HERC1: variants seen among roughly 807,000 people sequenced by gnomAD.
HERC1 encodes HECT and RLD domain containing E3 ubiquitin protein ligase family member 1.
HERC1 carries 160 observed loss-of-function variants against 554.3 expected under a neutral mutation model. The observed-to-expected ratio is 0.29, with a 90% CI of 0.25 to 0.33. HERC1 has a LOEUF of 0.33. Ranked by LOEUF, HERC1 falls within the 10% of genes least tolerant of loss-of-function variation. HERC1 has a pLI of 1.00. For missense variants in HERC1, 4,919 were observed against 5,918.5 expected (o/e 0.83, Z 5.54); for synonymous variants, 2,175 against 2,131.7 (o/e 1.02, Z -0.56).
chr15:63,615,337 G>A (rs1015320662), intron 76 of HERC1, among the ~76,000 whole-genome samples: 5 of 152,202 alleles, frequency 3.3e-5, no homozygotes, highest in East Asian at 3.8e-4. Flanking sequence ...CACCAAGTGC[G>A]GTGGCTCACA....
At chr15:63,717,680 G>A (rs1029079015) in intron 21 of HERC1, among the ~76,000 whole-genome samples, 17 of 152,080 alleles carry the variant, frequency 1.1e-4, no homozygotes, top group African/African-American at 3.9e-4. Context: ...AAACCAGCCT[G>A]GTCAACACGG....
chr15:63,720,706 G>A (rs1271631284), intron 19 of HERC1, among the ~76,000 whole-genome samples: 2 of 152,080 alleles, frequency 1.3e-5, no homozygotes, highest in Non-Finnish European at 2.9e-5. Flanking sequence ...AGGCTCTTAG[G>A]AAATCATCCA....
At chr15:63,716,545 T>A (rs899746978) in intron 21 of HERC1, 72 bp from the exon 22 acceptor site, 2 of 1,244,004 alleles carry the variant, frequency 1.6e-6, no homozygotes, top group African/African-American at 1.5e-5. Flanking sequence ...AAAAAACCTT[T>A]AATTTTTTAT....
chr15:63,706,798 C>T lies in HERC1; in HGVS notation c.4618G>A (p.Ala1540Thr), dbSNP rs2073029937. Residue 1540 changes from alanine (A) to threonine (T), a missense_variant, in exon 25 of 78, where the codon GCA (alanine) becomes ACA (threonine). Physicochemically the swap from Ala to Thr is moderately conservative, Grantham distance 58 (BLOSUM62 0). Coordinates refer to ENST00000443617, the MANE Select transcript of HERC1 (RefSeq NM_003922.4). The stretch of plus-strand genomic sequence containing the variant: ...CACTTACCTCTCTTTCTGTGAGATG[C>T]TGCCAAATCCAAATCAACATTTCGT... ...GRRNVDLDLAASHRKRGPMHS... is the reference protein window; with the variant it reads ...GRRNVDLDLATSHRKRGPMHS... 2.6e-6 allele frequency: 4 copies of T among 1,543,034 alleles called. No homozygotes were observed. Among genetic ancestry groups the T allele is most frequent in the East Asian group, 2.4e-5 (1 of 41,128 alleles).
intron 45 of HERC1, among the ~76,000 whole-genome samples, chr15:63,661,314 A>G (rs2070345967): frequency 6.6e-6 from 1 of 152,234 alleles, no homozygotes; most frequent in South Asian, 2.1e-4. Flanking sequence ...TTAATAGTTG[A>G]CAATTAAGGG....
At chr15:63,797,830 C>T (rs1021465216) in intron 1 of HERC1, among the ~76,000 whole-genome samples, 5 of 152,084 alleles carry the variant, frequency 3.3e-5, no homozygotes, top group African/African-American at 1.2e-4. Flanking sequence ...CACAAAAATC[C>T]GTAAGATAGT....
intron 59 of HERC1, 26 bp from the exon 60 acceptor site, chr15:63,641,669 T>A: frequency 1.3e-6 from 2 of 1,496,090 alleles, no homozygotes; most frequent in Non-Finnish European, 1.8e-6. Context: ...TCATGCCACA[T>A]AATAAATTTG....
intron 4 of HERC1, among the ~76,000 whole-genome samples, chr15:63,757,913 T>C (rs1039734052): frequency 2.0e-5 from 3 of 151,678 alleles, no homozygotes; most frequent in African/African-American, 7.3e-5. Context: ...TTTCACCATA[T>C]TGGCCAGGCT....
intron 1 of HERC1, among the ~76,000 whole-genome samples, chr15:63,812,462 AT>A (rs1452006269): frequency 6.6e-6 from 1 of 152,218 alleles, no homozygotes; most frequent in Non-Finnish European, 1.5e-5. Flanking sequence ...TGCCTTGAGA[AT>A]TCACTTTCAC....
At chr15:63,675,434 GTC>G (rs1489750524) in intron 37 of HERC1, among the ~76,000 whole-genome samples, 1 of 152,214 alleles carries the variant, frequency 6.6e-6, no homozygotes, top group Non-Finnish European at 1.5e-5. Context: ...AGGGCACACA[GTC>G]TCAGCTGCAA....
chr15:63,833,195 G>A (rs2078215245), intron 1 of HERC1, among the ~76,000 whole-genome samples: 1 of 152,164 alleles, frequency 6.6e-6, no homozygotes, highest in Non-Finnish European at 1.5e-5. Flanking sequence ...AATGCGCCCC[G>A]CCTCGCCTCC....
Position 63,612,675 on chromosome 15 carries a change from G to T in HERC1, c.14095-119C>A. The T allele has an allele frequency of 1.1e-6, 1 of 945,698 alleles. No homozygotes were observed. Among genetic ancestry groups the T allele is most frequent in the Non-Finnish European group, 1.5e-6 (1 of 649,724 alleles). 58.6% of individuals were successfully genotyped at this position (945,698 alleles called of 1,614,324 possible). On this transcript the variant is annotated intron_variant, in intron 76 of 77. Transcript: ENST00000443617. This position sits in a 1 kb window ranked among gnomAD's most constrained non-coding sequence, Gnocchi z 5.0. ...CGTCCGCTCCCCAGACCCTCTACTT[G>T]TTTCTCAGACCGCCAGGCACGAGAG...
intron 69 of HERC1, among the ~76,000 whole-genome samples, chr15:63,629,386 C>A (rs935335599): frequency 6.6e-6 from 1 of 152,216 alleles, no homozygotes; most frequent in Non-Finnish European, 1.5e-5. Flanking sequence ...TTGGATTCCA[C>A]TTACGGAAAG....
chr15:63,820,925 C>CA (rs1391722617), intron 1 of HERC1, among the ~76,000 whole-genome samples: 1 of 143,578 alleles, frequency 7.0e-6, no homozygotes, highest in Non-Finnish European at 1.5e-5. Flanking sequence ...TAGGGGACAA[C>CA]AAATAGCTTA....
chr15:63,645,593 A>T lies in HERC1; in HGVS notation c.10968T>A (p.Ile3656=). The T allele has an allele frequency of 6.2e-7, 1 of 1,613,258 alleles. No homozygotes were observed. The highest frequency in any genetic ancestry group is 8.5e-7 in the Non-Finnish European group (1 of 1,179,544). Residue 3656 remains isoleucine, a synonymous_variant, in exon 56 of 78, where the codon ATT becomes ATA. Coordinates refer to ENST00000443617, the MANE Select transcript of HERC1 (RefSeq NM_003922.4). ...AATGTAGACAGCACCAGCATCCCGA[A>T]ATAGAGCCCCAGAGTTTCACACTGT... ...KEDSVKLWGS[I]SGCWCCLHSL...
At chr15:63,655,379 G>T (rs2069971802) in intron 50 of HERC1, among the ~76,000 whole-genome samples, 1 of 152,118 alleles carries the variant, frequency 6.6e-6, no homozygotes, top group Admixed American at 6.6e-5. Context: ...ACAAAAGCCA[G>T]TTATCTCTTG....
intron 12 of HERC1, among the ~76,000 whole-genome samples, chr15:63,744,164 G>GTGTCTCTC: frequency 2.2e-5 from 1 of 46,312 alleles, no homozygotes; most frequent in Non-Finnish European, 5.3e-5. Flanking sequence ...GTGTGTGTGT[G>GTGTCTCTC]TCTCTCTCTC....
intron 34 of HERC1, among the ~76,000 whole-genome samples, chr15:63,683,291 G>C (rs2071578708): frequency 2.0e-5 from 3 of 152,106 alleles, no homozygotes; most frequent in African/African-American, 7.2e-5. Context: ...GTCACCAGTG[G>C]GTGGATTGGA....
Position 63,824,113 on chromosome 15 carries a change from T to C in HERC1, c.-27+9714A>G, listed in dbSNP as rs561878155. ...AGGTATCACCTGACACCTGTGAGGA[T>C]GGCAATTATCAAAGAGACAAGAGAT... On this transcript the variant is annotated intron_variant, in intron 1 of 77. Transcript: ENST00000443617. Among the ~76,000 whole-genome samples the C allele has an allele frequency of 1.6e-4, 24 of 152,022 alleles. No homozygotes were observed. In the South Asian group the frequency reaches 4.8e-3, roughly 30 times the overall value.
Sources: gnomAD v4.1 joint callset for allele counts (sites outside exome capture counted in the v4.1 genomes callset) on GRCh38, gnomAD v4.1.1 for gene constraint, Gnocchi (gnomAD v3.1) non-coding constraint, MANE v1.5 for transcripts, NCBI Gene and HGNC (gene_info 2026-07-23, HGNC 2026-07-21) for gene names.